Variants in SUCLG2 observed in about 807,000 individuals in gnomAD.
SUCLG2 encodes succinate-CoA ligase GDP-forming subunit beta.
SUCLG2 carries 42 observed loss-of-function variants against 47.9 expected under a neutral mutation model. That is an observed-to-expected ratio of 0.88 (90% CI 0.69 to 1.14). The LOEUF (loss-of-function observed/expected upper bound fraction) is 1.14. Among genes scored for constraint, SUCLG2 ranks in the 50% most tolerant of loss-of-function variants. The pLI is 0.00. For synonymous variants in SUCLG2, 195 were observed against 197.3 expected (o/e 0.99, Z 0.10); for missense variants, 571 against 525.9 (o/e 1.09, Z -0.84).
intron 9 of SUCLG2, among the ~76,000 whole-genome samples, chr3:67,446,417 A>AGTTT (rs1427470893): frequency 6.2e-5 from 2 of 32,186 alleles, no homozygotes; most frequent in Non-Finnish European, 1.1e-4. Flanking sequence ...ACATATGTAC[A>AGTTT]TTTTTTTTTT....
downstream of SUCLG2, among the ~76,000 whole-genome samples, chr3:67,371,670 G>A (rs990150660): frequency 6.6e-6 from 1 of 152,138 alleles, no homozygotes; most frequent in Admixed American, 6.5e-5. Flanking sequence ...GAGATACACA[G>A]GGCAAGCAAT....
chr3:67,392,386 T>TA (rs1484664152), intron 10 of SUCLG2, among the ~76,000 whole-genome samples: 1 of 152,162 alleles, frequency 6.6e-6, no homozygotes, highest in African/African-American at 2.4e-5. Flanking sequence ...CTCCATTGTC[T>TA]AAAAAACACT....
At chr3:67,512,692 G>T (rs1257909518) in intron 6 of SUCLG2, among the ~76,000 whole-genome samples, 2 of 150,640 alleles carry the variant, frequency 1.3e-5, no homozygotes, top group Non-Finnish European at 2.9e-5. Flanking sequence ...AGTTCTGCAG[G>T]GTCAAGTTGG....
rs1345512495 is a variant in SUCLG2, at chr3:67,654,456, A to AGGCCGGCGCCGCTGCTGGC, written c.84+28_84+46dup. ...AGCAGGGGGCGAGGGAAGCCCGGGC[A>AGGCCGGCGCCGCTGCTGGC]GGCCGGCGCCGCTGCTGGCGCCCGC... On this transcript the variant is annotated intron_variant, in intron 1 of 10. Coordinates refer to ENST00000307227, the MANE Select transcript of SUCLG2 (RefSeq NM_003848.4). 6.6e-6 allele frequency: 8 copies of AGGCCGGCGCCGCTGCTGGC among 1,214,508 alleles called. No homozygotes were observed. The African/African-American group carries it at 1.2e-4, about 19-fold the overall frequency. 75.2% of individuals were successfully genotyped at this position (1,214,508 alleles called of 1,614,324 possible).
intron 9 of SUCLG2, among the ~76,000 whole-genome samples, chr3:67,450,040 A>T (rs977906468): frequency 4.0e-5 from 6 of 151,608 alleles, no homozygotes; most frequent in African/African-American, 7.3e-5. Flanking sequence ...TATTTTTTTT[A>T]AAATTAACTA....
At chr3:67,418,376 GGAAAACTGAGGCTCA>G (rs1238636363) in intron 9 of SUCLG2, among the ~76,000 whole-genome samples, 1 of 152,110 alleles carries the variant, frequency 6.6e-6, no homozygotes, top group Non-Finnish European at 1.5e-5. Flanking sequence ...TTTAGAGACA[GGAAAACTGAGGCTCA>G]GAAAGCTGAA....
At chr3:67,493,610 A>G (rs1705256910) in intron 9 of SUCLG2, among the ~76,000 whole-genome samples, 1 of 152,210 alleles carries the variant, frequency 6.6e-6, no homozygotes, top group African/African-American at 2.4e-5. Context: ...TTGTCCTGGT[A>G]GATTTCATCT....
At chr3:67,618,045 A>G (rs1700661815) in intron 1 of SUCLG2, among the ~76,000 whole-genome samples, 1 of 152,228 alleles carries the variant, frequency 6.6e-6, no homozygotes, top group South Asian at 2.1e-4. Flanking sequence ...CTATACTTGA[A>G]TCACTCAACA....
At chr3:67,495,233 C>T (rs1315955666) in intron 9 of SUCLG2, among the ~76,000 whole-genome samples, 2 of 152,148 alleles carry the variant, frequency 1.3e-5, no homozygotes, top group Non-Finnish European at 2.9e-5. Flanking sequence ...ACCAATGTTT[C>T]GACTGGCACA....
At chr3:67,373,593 A>G (rs1425866086), downstream of SUCLG2, among the ~76,000 whole-genome samples, 3 of 152,130 alleles carry the variant, frequency 2.0e-5, no homozygotes, top group African/African-American at 7.2e-5. Flanking sequence ...ATTATTGTAA[A>G]TGAACCGGGG....
chr3:67,452,804 T>A (rs1185351310), intron 9 of SUCLG2, among the ~76,000 whole-genome samples: 1 of 152,222 alleles, frequency 6.6e-6, no homozygotes, highest in East Asian at 1.9e-4. Context: ...GGACCGCATT[T>A]CTAAATTATA....
At chr3:67,609,215 G>A (rs1700483161) in intron 2 of SUCLG2, among the ~76,000 whole-genome samples, 1 of 152,234 alleles carries the variant, frequency 6.6e-6, no homozygotes, top group Non-Finnish European at 1.5e-5. Flanking sequence ...AAGACTCACA[G>A]GGACAAAGCT....
chr3:67,366,194 G>A (rs955080117), intron 10 of SUCLG2, among the ~76,000 whole-genome samples: 3 of 152,110 alleles, frequency 2.0e-5, no homozygotes, highest in Admixed American at 6.5e-5. Context: ...GGGCGCAGTG[G>A]CTCACGCCTG....
At chr3:67,633,970 C>A (rs1700967687) in intron 1 of SUCLG2, among the ~76,000 whole-genome samples, 1 of 152,202 alleles carries the variant, frequency 6.6e-6, no homozygotes, top group Non-Finnish European at 1.5e-5. Flanking sequence ...TAAGACTACT[C>A]CATTCCTGGA....
At chr3:67,649,127 C>G (rs1481761011) in intron 1 of SUCLG2, among the ~76,000 whole-genome samples, 1 of 152,160 alleles carries the variant, frequency 6.6e-6, no homozygotes, top group Non-Finnish European at 1.5e-5. Context: ...AATCAGAAAG[C>G]TGATGAAGAC....
At chr3:67,464,834 G>C (rs1704430553) in intron 9 of SUCLG2, among the ~76,000 whole-genome samples, 1 of 152,184 alleles carries the variant, frequency 6.6e-6, no homozygotes, top group Non-Finnish European at 1.5e-5. Flanking sequence ...TGGTGGATCA[G>C]TCTTCAACTG....
intron 6 of SUCLG2, among the ~76,000 whole-genome samples, chr3:67,510,122 C>T (rs1261680240): frequency 6.6e-6 from 1 of 152,158 alleles, no homozygotes; most frequent in Non-Finnish European, 1.5e-5. Context: ...GTTCCTGGAG[C>T]ATGTGGTTGG....
intron 9 of SUCLG2, among the ~76,000 whole-genome samples, chr3:67,416,421 T>C (rs1703039441): frequency 6.6e-6 from 1 of 152,218 alleles, no homozygotes; most frequent in Non-Finnish European, 1.5e-5. Flanking sequence ...TTTATACTTT[T>C]TAACAGATGA....
chr3:67,396,677 C>A (rs1336622923), intron 10 of SUCLG2, among the ~76,000 whole-genome samples: 2 of 152,118 alleles, frequency 1.3e-5, no homozygotes, highest in Admixed American at 6.5e-5. Flanking sequence ...TTTTATGAGG[C>A]CAGCATCATC....
Sources: gnomAD v4.1 joint callset for allele counts (sites outside exome capture counted in the v4.1 genomes callset) on GRCh38, gnomAD v4.1.1 for gene constraint, MANE v1.5 for transcripts, NCBI Gene and HGNC (gene_info 2026-07-23, HGNC 2026-07-21) for gene names.